Variants in NF1 observed in about 807,000 individuals in gnomAD.
The protein encoded by NF1 is neurofibromin.
Under a neutral mutation model 325.7 loss-of-function variants are expected in NF1, and 122 were observed. That is an observed-to-expected ratio of 0.37 (90% CI 0.32 to 0.44). The LOEUF is 0.44. Ranked by LOEUF, NF1 falls within the 20% of genes least tolerant of loss-of-function variation. The pLI is 1.00. For missense variants in NF1, 2,140 were observed against 3,415.4 expected (o/e 0.63, Z 9.31); for synonymous variants, 1,091 against 1,186.0 (o/e 0.92, Z 1.65).
intron 5 of NF1, among the ~76,000 whole-genome samples, chr17:31,171,261 A>G (rs528374804): frequency 7.2e-5 from 11 of 152,356 alleles, no homozygotes; most frequent in African/African-American, 2.6e-4. Flanking sequence ...ATGCCAAGAT[A>G]CAAACATGTG....
intron 57 of NF1, chr17:31,367,144 T>G (rs2070539979): frequency 1.4e-6 from 1 of 735,918 alleles, no homozygotes. Context: ...TATAATTATC[T>G]AGTATCTAAT....
chr17:31,330,520 T>A (rs993538271), intron 39 of NF1, 22 bp downstream of exon 39: 2 of 1,500,946 alleles, frequency 1.3e-6, no homozygotes, highest in Non-Finnish European at 1.9e-6. Flanking sequence ...TAATTTTCTT[T>A]AATACTAACA....
chr17:31,203,050 G>T (rs1277903925), intron 11 of NF1, among the ~76,000 whole-genome samples: 2 of 152,068 alleles, frequency 1.3e-5, no homozygotes, highest in Admixed American at 6.6e-5. Context: ...TTGATACTTT[G>T]TGGCTAGTTA....
intron 32 of NF1, among the ~76,000 whole-genome samples, 160 bp downstream of exon 32, chr17:31,258,662 T>A (rs2067628020): frequency 6.6e-6 from 1 of 152,200 alleles, no homozygotes; most frequent in Non-Finnish European, 1.5e-5. Flanking sequence ...AATTCATTAG[T>A]TAGGTACCTG....
chr17:31,342,562 T>C (rs188679588), intron 47 of NF1, among the ~76,000 whole-genome samples: 1 of 152,258 alleles, frequency 6.6e-6, no homozygotes, highest in Non-Finnish European at 1.5e-5. Flanking sequence ...CACTCCAGCC[T>C]GGGCGACAGA....
chr17:31,218,934 A>G (rs2066871296), intron 13 of NF1, 71 bp from the exon 14 acceptor site: 17 of 1,290,830 alleles, frequency 1.3e-5, no homozygotes, highest in East Asian at 5.1e-5. Context: ...GTCACTGTCT[A>G]TTTCTTCCTC....
At chr17:31,149,291 T>C (rs56158073) in intron 1 of NF1, among the ~76,000 whole-genome samples, 81,812 of 146,920 alleles carry the variant, frequency 0.56, 24,914 homozygotes, top group Middle Eastern at 0.78. Flanking sequence ...CACACACACA[T>C]ACACACACAC....
At chr17:31,252,271 CCTT>C (rs1216401292) in intron 30 of NF1, 2 of 207,570 alleles carry the variant, frequency 9.6e-6, no homozygotes, top group Non-Finnish European at 2.0e-5. Context: ...GAGCTGATAA[CCTT>C]CTTCTCCCAA....
At chr17:31,123,673 G>C (rs947479786) in intron 1 of NF1, among the ~76,000 whole-genome samples, 19 of 152,138 alleles carry the variant, frequency 1.2e-4, no homozygotes, top group African/African-American at 4.6e-4. Context: ...TGACCTAGAG[G>C]CAGCTTGTTT....
At chr17:31,166,661 T>C (rs187557156) in intron 4 of NF1, among the ~76,000 whole-genome samples, 63 of 152,284 alleles carry the variant, frequency 4.1e-4, no homozygotes, top group Admixed American at 2.8e-3. Context: ...TAAGCTTCTT[T>C]GTGCTGGTAG....
chr17:31,174,933 A>G (rs1052241752), intron 5 of NF1, among the ~76,000 whole-genome samples: 3 of 151,798 alleles, frequency 2.0e-5, no homozygotes, highest in African/African-American at 7.3e-5. Context: ...ACATGGTGAA[A>G]CCCCATCTCT....
intron 36 of NF1, among the ~76,000 whole-genome samples, chr17:31,325,040 T>C (rs893478286): frequency 6.6e-6 from 1 of 152,272 alleles, no homozygotes; most frequent in African/African-American, 2.4e-5. Context: ...GTCCTCACTG[T>C]GGCTGCTCCC....
intron 36 of NF1, among the ~76,000 whole-genome samples, chr17:31,309,989 G>A (rs2068825546): frequency 6.6e-6 from 1 of 152,182 alleles, no homozygotes; most frequent in African/African-American, 2.4e-5. Context: ...GCAATTCAGT[G>A]TAGTCCAGAG....
At chr17:31,178,582 G>A (rs987212483) in intron 5 of NF1, among the ~76,000 whole-genome samples, 1 of 152,154 alleles carries the variant, frequency 6.6e-6, no homozygotes, top group Non-Finnish European at 1.5e-5. Flanking sequence ...TGGATAAAGA[G>A]TCAAGACCCA....
chr17:31,374,467 A>G lies in NF1; in HGVS notation c.*312A>G. On this transcript the variant is annotated 3_prime_UTR_variant, in exon 58 of 58. Coordinates refer to ENST00000358273, the MANE Select transcript of NF1 (RefSeq NM_001042492.3). ...GAAATCTCAATTGTAAGAGAGGATG[A>G]ATTCTTGAATACTGCTACTACTGGC... The G allele has an allele frequency of 2.2e-6, 1 of 464,104 alleles. No homozygotes were observed. The highest frequency in any genetic ancestry group is 2.1e-5 in the South Asian group (1 of 47,042). 28.7% of individuals were successfully genotyped at this position (464,104 alleles called of 1,614,324 possible). A position where few individuals can be genotyped will look rare whatever the true frequency, so the allele number is the denominator to read the frequency against.
intron 15 of NF1, 148 bp downstream of exon 15, chr17:31,222,077 T>G: frequency 7.7e-7 from 1 of 1,294,112 alleles, no homozygotes; most frequent in Non-Finnish European, 9.8e-7. Context: ...CTTCAAATTA[T>G]TAGAATTTCT....
Position 31,374,212 on chromosome 17 carries a change from C to G in NF1, c.*57C>G, listed in dbSNP as rs1463072082. The G allele has an allele frequency of 1.9e-6, 3 of 1,604,960 alleles. No individual in the cohort carries two copies. Among genetic ancestry groups the G allele is most frequent in the Admixed American group, 1.7e-5 (1 of 59,890 alleles). On this transcript the variant is annotated 3_prime_UTR_variant, in exon 58 of 58. Transcript: ENST00000358273. Reference sequence around the variant, plus strand: ...TAACATGGGCTCTTCACTAGTGACCCCTTCCCTGTCCTTGCCCTTTCCCCC... The same window carrying G: ...TAACATGGGCTCTTCACTAGTGACCGCTTCCCTGTCCTTGCCCTTTCCCCC...
intron 1 of NF1, among the ~76,000 whole-genome samples, chr17:31,096,754 G>A (rs1911762158): frequency 6.6e-6 from 1 of 152,166 alleles, no homozygotes; most frequent in Non-Finnish European, 1.5e-5. Flanking sequence ...TTGAGAAGAA[G>A]CTATGTAGAT....
intron 57 of NF1, among the ~76,000 whole-genome samples, chr17:31,362,018 T>C (rs879280864): frequency 9.9e-5 from 15 of 152,220 alleles, no homozygotes; most frequent in Non-Finnish European, 1.9e-4. Context: ...AACTCTCTAG[T>C]ACAGTGTTTC....
Sources: allele counts gnomAD v4.1 joint callset (sites outside exome capture counted in the v4.1 genomes callset), GRCh38; gene constraint gnomAD v4.1.1; transcripts MANE v1.5; gene names NCBI Gene and HGNC (gene_info 2026-07-23, HGNC 2026-07-21).